Variants in PTGER4 observed in about 807,000 individuals in gnomAD.
PTGER4 encodes the protein prostaglandin E2 receptor EP4 subtype.
PTGER4 carries 11 observed loss-of-function variants against 33.2 expected under a neutral mutation model. The observed-to-expected ratio is 0.33, with a 90% CI of 0.21 to 0.55. The LOEUF (loss-of-function observed/expected upper bound fraction) is 0.55, where lower values mean the gene tolerates loss of function less well. Among genes scored for constraint, PTGER4 ranks in the 20% least tolerant of loss-of-function variants. The probability of loss-of-function intolerance (pLI) is 0.92; values close to 1 mark genes in which losing one functional copy is unlikely to be tolerated. For synonymous variants in PTGER4, 275 were observed against 281.5 expected (o/e 0.98, Z 0.23); for missense variants, 481 against 650.2 (o/e 0.74, Z 2.83).
chr5:40,705,094 C>T, the PTGER4 span, among the ~76,000 whole-genome samples: 1 of 152,130 alleles, frequency 6.6e-6, no homozygotes, highest in African/African-American at 2.4e-5. Flanking sequence ...GCTACGGTGA[C>T]CAAAACAACA....
At position 40,681,867 on chromosome 5, in the gene PTGER4, G is replaced by C; in HGVS notation, c.867+7G>C. The C allele has an allele frequency of 6.7e-7, 1 of 1,501,310 alleles. No homozygotes were observed. Among genetic ancestry groups the C allele is most frequent in the Non-Finnish European group, 8.8e-7 (1 of 1,130,090 alleles). The allele number at this position is 1,501,310 out of a possible 1,614,324, so 93.0% of individuals were successfully genotyped here. A position where few individuals can be genotyped will look rare whatever the true frequency, so the allele number is the denominator to read the frequency against. ...CTGCTCCATCCCGCTCGTGGTGAGT[G>C]ACCGGGGCTGGGGCCCTACTCGGCC... On this transcript the variant is annotated splice_region_variant and intron_variant, in intron 2 of 2. Transcript: ENST00000302472. The surrounding 1 kb of genome is among the most constrained non-coding windows in gnomAD (Gnocchi z 9.8).
At chr5:40,743,482 A>AT in the PTGER4 span, among the ~76,000 whole-genome samples, 1 of 152,248 alleles carries the variant, frequency 6.6e-6, no homozygotes, top group South Asian at 2.1e-4. Context: ...AGCCTCTTAA[A>AT]TATTTTTTTG....
the PTGER4 span, among the ~76,000 whole-genome samples, chr5:40,725,785 T>A: frequency 5.3e-5 from 5 of 95,120 alleles, no homozygotes; most frequent in African/African-American, 1.9e-4. Flanking sequence ...TCTCTTCAGC[T>A]TTTTTTTTTT....
At chr5:40,707,264 G>A in the PTGER4 span, among the ~76,000 whole-genome samples, 2 of 152,126 alleles carry the variant, frequency 1.3e-5, no homozygotes, top group Non-Finnish European at 2.9e-5. Context: ...AGACCCATCG[G>A]TGTGCCGTAT....
the PTGER4 span, among the ~76,000 whole-genome samples, chr5:40,728,835 A>G: frequency 6.6e-6 from 1 of 152,172 alleles, no homozygotes; most frequent in African/African-American, 2.4e-5. Context: ...TTGCCATTAA[A>G]CTAGGTGAAT....
At chr5:40,699,036 T>C in the PTGER4 span, among the ~76,000 whole-genome samples, 9 of 152,176 alleles carry the variant, frequency 5.9e-5, no homozygotes, top group East Asian at 3.9e-4. Flanking sequence ...TGCCGAAAAA[T>C]TGAATGAATC....
At chr5:40,727,067 T>C in the PTGER4 span, among the ~76,000 whole-genome samples, 5 of 152,310 alleles carry the variant, frequency 3.3e-5, no homozygotes. Flanking sequence ...TATTTTCTCA[T>C]ACAAATTCCT....
the PTGER4 span, among the ~76,000 whole-genome samples, chr5:40,705,390 A>G: frequency 6.6e-6 from 1 of 152,204 alleles, no homozygotes; most frequent in African/African-American, 2.4e-5. Context: ...CAATCTAGGC[A>G]ATACCATCCT....
chr5:40,745,388 G>A, the PTGER4 span, among the ~76,000 whole-genome samples: 1 of 152,178 alleles, frequency 6.6e-6, no homozygotes, highest in South Asian at 2.1e-4. Context: ...CTTTCAAATA[G>A]ATCAGCAAAA....
At chr5:40,716,525 T>C in the PTGER4 span, 1 of 1,517,494 alleles carries the variant, frequency 6.6e-7, no homozygotes, top group Non-Finnish European at 8.9e-7. Context: ...GAGTTTTTTG[T>C]TTTGGTTTTA....
chr5:40,693,695 G>A lies in PTGER4; in HGVS notation c.*1317G>A. ...TGGTTTTAAGAAGCAGTTGTACCAAGTGAAATTATTTTGGAGATTATAATA... is the reference window on the plus strand; with the variant it reads ...TGGTTTTAAGAAGCAGTTGTACCAAATGAAATTATTTTGGAGATTATAATA... On this transcript the variant is annotated 3_prime_UTR_variant, in exon 3 of 3. Transcript: ENST00000302472. 1.0e-6 allele frequency: 1 copy of A among 980,308 alleles called. No homozygotes were observed. The highest frequency in any genetic ancestry group is 1.2e-6 in the Non-Finnish European group (1 of 824,774). 60.7% of individuals were successfully genotyped at this position (980,308 alleles called of 1,614,324 possible).
chr5:40,711,629 AC>A, the PTGER4 span, among the ~76,000 whole-genome samples: 2 of 152,112 alleles, frequency 1.3e-5, no homozygotes, highest in Non-Finnish European at 2.9e-5. Flanking sequence ...ACTTGAAACA[AC>A]CTAAATGTCC....
In PTGER4 at chr5:40,692,703, G is replaced by A. The variant is rs898393617; in HGVS notation, c.*325G>A. 41 of 1,060,550 alleles carry A rather than the reference G, an allele frequency of 3.9e-5. No homozygotes were observed. Among genetic ancestry groups the A allele is most frequent in the Non-Finnish European group, 4.2e-5 (37 of 877,024 alleles). The allele number at this position is 1,060,550 out of a possible 1,614,324, so 65.7% of individuals were successfully genotyped here. A position where few individuals can be genotyped will look rare whatever the true frequency, so the allele number is the denominator to read the frequency against. On this transcript the variant is annotated 3_prime_UTR_variant, in exon 3 of 3. Transcript: ENST00000302472. ...CTGTCATAACATCCAGAGCTTTGTCGTATTTGGCACACAGCAGAGGCCCAG... is the reference window on the plus strand; with the variant it reads ...CTGTCATAACATCCAGAGCTTTGTCATATTTGGCACACAGCAGAGGCCCAG...
downstream of PTGER4, among the ~76,000 whole-genome samples, chr5:40,698,292 AATC>A (rs1043704335): frequency 2.0e-5 from 3 of 151,268 alleles, no homozygotes; most frequent in Non-Finnish European, 4.4e-5. Flanking sequence ...ATTTAATAAT[AATC>A]ATCATCATCA....
the PTGER4 span, among the ~76,000 whole-genome samples, chr5:40,731,474 G>A: frequency 6.6e-6 from 1 of 152,266 alleles, no homozygotes; most frequent in Admixed American, 6.5e-5. Context: ...GTACCACAGG[G>A]CTGGGGAGGC....
At chr5:40,697,121 G>A (rs1360375971), downstream of PTGER4, among the ~76,000 whole-genome samples, 2 of 60,768 alleles carry the variant, frequency 3.3e-5, no homozygotes, top group African/African-American at 1.5e-4. Context: ...AAAGAAAAAA[G>A]AAAGAAAGGA....
chr5:40,698,689 G>A (rs935303648), downstream of PTGER4, among the ~76,000 whole-genome samples: 2 of 152,036 alleles, frequency 1.3e-5, no homozygotes, highest in African/African-American at 4.8e-5. Context: ...TTTATGATAC[G>A]ACAAAACAAA....
the PTGER4 span, among the ~76,000 whole-genome samples, chr5:40,703,199 C>T: frequency 7.0e-6 from 1 of 142,812 alleles, no homozygotes; most frequent in Non-Finnish European, 1.5e-5. Context: ...AAAAGATCAA[C>T]AAATCCAGGG....
chr5:40,723,697 T>C, the PTGER4 span, among the ~76,000 whole-genome samples: 2 of 152,008 alleles, frequency 1.3e-5, no homozygotes, highest in African/African-American at 4.8e-5. Context: ...AAACCCTGTC[T>C]CTACTAAAAA....
Sources: gnomAD v4.1 joint callset for allele counts (sites outside exome capture counted in the v4.1 genomes callset) on GRCh38, gnomAD v4.1.1 for gene constraint, Gnocchi (gnomAD v3.1) non-coding constraint, MANE v1.5 for transcripts, NCBI Gene and HGNC (gene_info 2026-07-23, HGNC 2026-07-21) for gene names.